NR2F6: variants seen among roughly 807,000 people sequenced by gnomAD.
The protein encoded by NR2F6 is nuclear receptor subfamily 2 group F member 6, also known as ERBA-related gene-2.
Under a neutral mutation model 26.5 loss-of-function variants are expected in NR2F6, and 16 were observed. The ratio of observed to expected loss-of-function variants is 0.60; its 90% CI spans 0.41 to 0.92. The LOEUF (loss-of-function observed/expected upper bound fraction) is 0.92, where lower values mean the gene tolerates loss of function less well. Among genes scored for constraint, NR2F6 ranks in the 40% least tolerant of loss-of-function variants. The pLI, the probability that NR2F6 is intolerant of heterozygous loss-of-function variation, is 0.00. For synonymous variants in NR2F6, 325 were observed against 305.0 expected (o/e 1.07, Z -0.68); for missense variants, 536 against 631.7 (o/e 0.85, Z 1.62).
intron 1 of NR2F6, among the ~76,000 whole-genome samples, chr19:17,242,775 G>A (rs1264621344): frequency 6.6e-6 from 1 of 152,318 alleles, no homozygotes. Flanking sequence ...CTCAGGGGAG[G>A]CCCTGAACCT....
Position 17,235,998 on chromosome 19 carries a change from CG to C in NR2F6, c.440del (p.Pro147ArgfsTer23). Reference protein sequence around the residue: ...GAVAASSGSPPGSALAAVASG... With the variant: ...GAVAASSGSPXGSALAAVASG... Reference sequence around the variant, plus strand: ...TCGCCACTGCCGCCAGCGCCGAGCCCGGGGGGCTGCCCGAGGAGGCGGCCAC... The same window carrying C: ...TCGCCACTGCCGCCAGCGCCGAGCCCGGGGGCTGCCCGAGGAGGCGGCCAC... On this transcript the variant is annotated frameshift_variant, in exon 3 of 4. Transcript: ENST00000291442. LOFTEE classifies it high-confidence loss of function. This position sits in a 1 kb window ranked among gnomAD's most constrained non-coding sequence, Gnocchi z 5.0. The C allele has an allele frequency of 6.3e-6, 9 of 1,433,014 alleles. No individual in the cohort carries two copies. The highest frequency in any genetic ancestry group is 2.7e-5 in the Admixed American group (1 of 37,378). The allele number at this position is 1,433,014 out of a possible 1,614,324, so 88.8% of individuals were successfully genotyped here.
rs1568319142 is a variant in NR2F6, at chr19:17,245,409, C to G, written c.-189G>C. ...CGCGCCCGGGCGGAACTGGTCGGGC[C>G]GGTTCCAGGCCAACTTTCCCACGCG... On this transcript the variant is annotated 5_prime_UTR_variant, in exon 1 of 4. Transcript: ENST00000291442. The surrounding 1 kb of genome is among the most constrained non-coding windows in gnomAD (Gnocchi z 5.0). 7 of 375,790 alleles carry G rather than the reference C, an allele frequency of 1.9e-5. No homozygotes were observed. Among genetic ancestry groups the G allele is most frequent in the Non-Finnish European group, 3.0e-5 (7 of 236,152 alleles). The allele number at this position is 375,790 out of a possible 1,614,324, so 23.3% of individuals were successfully genotyped here.
At chr19:17,244,582 C>T (rs1272104678) in intron 1 of NR2F6, 5 of 238,260 alleles carry the variant, frequency 2.1e-5, no homozygotes, top group Non-Finnish European at 3.3e-5. Flanking sequence ...TCCCGCGCGC[C>T]GGGATCCCCG....
intron 2 of NR2F6, among the ~76,000 whole-genome samples, chr19:17,240,138 G>A (rs1306697473): frequency 2.0e-5 from 3 of 152,242 alleles, no homozygotes; most frequent in Non-Finnish European, 4.4e-5. Context: ...CCAGCGCCCG[G>A]GGTCAGAAGA....
intron 1 of NR2F6, among the ~76,000 whole-genome samples, chr19:17,240,977 C>A (rs905128480): frequency 6.6e-6 from 1 of 152,188 alleles, no homozygotes; most frequent in South Asian, 2.1e-4. Flanking sequence ...GAAGAGGAAT[C>A]TGTGGAAAAG....
Position 17,238,988 on chromosome 19 carries a change from G to A in NR2F6, c.373+1683C>T, listed in dbSNP as rs111694838. 6.2e-3 allele frequency among the ~76,000 whole-genome samples: 945 copies of A among 152,032 alleles called. 11 individuals are homozygous for A. Among genetic ancestry groups the A allele is most frequent in the African/African-American group, 0.022 (910 of 41,458 alleles). On this transcript the variant is annotated intron_variant, in intron 2 of 3. Coordinates refer to ENST00000291442, the MANE Select transcript of NR2F6 (RefSeq NM_005234.4). ...GGCTGAGGCGAGCGGATCACCTGGG[G>A]TCAGGAGTTGGAGACTCCAGCCTGG... is the stretch of plus-strand genomic sequence containing the variant.
Position 17,232,339 on chromosome 19 carries a change from G to C in NR2F6, c.*13C>G. 1 of 1,613,738 alleles carries C rather than the reference G, an allele frequency of 6.2e-7. No individual in the cohort carries two copies. ...CTGCAGGCCTGGCCACAGCACACGT[G>C]GCCCCGTCATGGTCACTGGCCCGAG... On this transcript the variant is annotated 3_prime_UTR_variant, in exon 4 of 4. Coordinates refer to ENST00000291442, the MANE Select transcript of NR2F6 (RefSeq NM_005234.4).
chr19:17,236,230 G>A (rs1408986971), intron 2 of NR2F6, among the ~76,000 whole-genome samples, 165 bp from the exon 3 acceptor site: 2 of 128,344 alleles, frequency 1.6e-5, no homozygotes, highest in African/African-American at 3.2e-5. Flanking sequence ...GAAGCGAGGG[G>A]TAGAGAGGAG....
rs1414074101 is a variant in NR2F6 at position 17,232,563 on chromosome 19, A to C, written c.1004T>G (p.Leu335Arg). The C allele has an allele frequency of 6.3e-7, 1 of 1,593,490 alleles. No individual in the cohort carries two copies. Reference protein sequence around the residue: ...ESLQEKAQVALTEYVRAQYPS... With the variant: ...ESLQEKAQVARTEYVRAQYPS... ...GTACTGCGCCCGCACATACTCGGTGAGGGCCACCTGCGCCTTCTCCTGCAG... is the reference window on the plus strand; with the variant it reads ...GTACTGCGCCCGCACATACTCGGTGCGGGCCACCTGCGCCTTCTCCTGCAG... Residue 335 changes from leucine (L) to arginine (R), a missense_variant, in exon 4 of 4, where the codon CTC becomes CGC. Leu to Arg is a moderately radical substitution (Grantham distance 102). Transcript: ENST00000291442.
At chr19:17,234,035 C>T (rs2073422273) in intron 3 of NR2F6, among the ~76,000 whole-genome samples, 1 of 151,690 alleles carries the variant, frequency 6.6e-6, no homozygotes. Flanking sequence ...TCAGCCTGAC[C>T]AACATGATGA....
At chr19:17,232,687 G>A (rs565436032) in intron 3 of NR2F6, 61 bp from the exon 4 acceptor site, 2 of 1,491,864 alleles carry the variant, frequency 1.3e-6, no homozygotes, top group South Asian at 1.3e-5. Flanking sequence ...GAGCCCACAG[G>A]GGTGACTAGG....
At chr19:17,236,301 G>C (rs1246806933) in intron 2 of NR2F6, among the ~76,000 whole-genome samples, 3 of 122,952 alleles carry the variant, frequency 2.4e-5, no homozygotes, top group African/African-American at 9.1e-5. Flanking sequence ...GGGGTGGGGG[G>C]CAGGTGGGGG....
At position 17,235,958 on chromosome 19, in the gene NR2F6, A is replaced by G; in HGVS notation, c.481T>C (p.Phe161Leu). Residue 161 changes from phenylalanine to leucine, a missense_variant, in exon 3 of 4, where the codon TTC (phenylalanine) becomes CTC (leucine). Transcript: ENST00000291442. The surrounding 1 kb of genome is among the most constrained non-coding windows in gnomAD (Gnocchi z 5.0). ...AGTTCGGACACCGGCTGCCCCGGGA[A>G]GAGGTCTCCGCCGCTCGCCACTGCC... The part of the protein sequence containing the change: ...LAAVASGGDL[F>L]PGQPVSELIA... 2 of 1,478,230 alleles carry G rather than the reference A, an allele frequency of 1.4e-6. No homozygotes were observed. The highest frequency in any genetic ancestry group is 1.8e-6 in the Non-Finnish European group (2 of 1,121,102). The allele number at this position is 1,478,230 out of a possible 1,614,324, so 91.6% of individuals were successfully genotyped here.
In NR2F6 at chr19:17,236,043, C is replaced by G. The variant is rs1468841827; in HGVS notation, c.396G>C (p.Pro132=). ...RKEAVQRGRI[P]HSLPGAVAAS... ...CGGCCACGGCACCAGGCAGCGAGTG[C>G]GGGATGCGGCCGCGCTGCACCGCTG... The change falls in exon 3 of 4, where the codon CCG becomes CCC. Residue 132 remains proline, a synonymous_variant. Transcript: ENST00000291442. 1 of 1,193,426 alleles carries G rather than the reference C, an allele frequency of 8.4e-7. No individual in the cohort carries two copies. The highest frequency in any genetic ancestry group is 1.0e-6 in the Non-Finnish European group (1 of 968,094). 73.9% of individuals were successfully genotyped at this position (1,193,426 alleles called of 1,614,324 possible).
At chr19:17,240,565 AAAGGGAG>A in intron 2 of NR2F6, 99 bp downstream of exon 2, 1 of 1,076,962 alleles carries the variant, frequency 9.3e-7, no homozygotes, top group Non-Finnish European at 1.4e-6. Context: ...GACCCCTGTG[AAAGGGAG>A]GGGTGAAAGG....
chr19:17,241,520 C>A (rs1215647859), intron 1 of NR2F6, among the ~76,000 whole-genome samples: 1 of 152,224 alleles, frequency 6.6e-6, no homozygotes, highest in Non-Finnish European at 1.5e-5. Context: ...GGGTCAGCCC[C>A]CAAGCAGGAA....
At position 17,245,047 on chromosome 19, in the gene NR2F6, C is replaced by A; in HGVS notation, c.174G>T (p.Val58=). ...ERPGLQVDCV[V]CGDKSSGKHY... ...GCTTGCCGCTCGACTTGTCCCCGCACACCACGCAGTCCACCTGCAGCCCCG... is the reference window on the plus strand; with the variant it reads ...GCTTGCCGCTCGACTTGTCCCCGCAAACCACGCAGTCCACCTGCAGCCCCG... Residue 58 remains valine, a synonymous_variant, in exon 1 of 4, where the codon GTG becomes GTT. Coordinates refer to ENST00000291442, the MANE Select transcript of NR2F6 (RefSeq NM_005234.4). The surrounding 1 kb of genome is among the most constrained non-coding windows in gnomAD (Gnocchi z 5.0). 2 of 1,603,322 alleles carry A rather than the reference C, an allele frequency of 1.2e-6. No individual in the cohort carries two copies. Among genetic ancestry groups the A allele is most frequent in the Non-Finnish European group, 1.7e-6 (2 of 1,175,598 alleles).
At position 17,245,240 on chromosome 19, in the gene NR2F6, CG is replaced by C. The variant is rs1290433585; in HGVS notation, c.-21del. The C allele has an allele frequency of 2.4e-6, 3 of 1,245,276 alleles. No individual in the cohort carries two copies. Among genetic ancestry groups the C allele is most frequent in the Non-Finnish European group, 1.0e-6 (1 of 998,090 alleles). The allele number at this position is 1,245,276 out of a possible 1,614,324, so 77.1% of individuals were successfully genotyped here. On this transcript the variant is annotated 5_prime_UTR_variant, in exon 1 of 4. Coordinates refer to ENST00000291442, the MANE Select transcript of NR2F6 (RefSeq NM_005234.4). This position sits in a 1 kb window ranked among gnomAD's most constrained non-coding sequence, Gnocchi z 5.0. ...GGCCATAGCCCCAGGGCAGCGGGGC[CG>C]GGGCGCCCCCACCGCGCTCTTCCCT...
At chr19:17,243,361 C>T (rs1425988911) in intron 1 of NR2F6, among the ~76,000 whole-genome samples, 1 of 152,192 alleles carries the variant, frequency 6.6e-6, no homozygotes. Context: ...AGGCTGGGCC[C>T]CAGCGAGACC....
Sources: gnomAD v4.1 joint callset for allele counts (sites outside exome capture counted in the v4.1 genomes callset) on GRCh38, gnomAD v4.1.1 for gene constraint, Gnocchi (gnomAD v3.1) non-coding constraint, MANE v1.5 for transcripts, NCBI Gene and HGNC (gene_info 2026-07-23, HGNC 2026-07-21) for gene names.